Variants in AP2B1 observed in about 807,000 individuals in gnomAD.
AP2B1 encodes adaptor related protein complex 2 subunit beta 1, also known as AP-2 complex subunit beta.
In AP2B1, 23 loss-of-function variants were observed where a neutral mutation model predicts 102.0. The observed-to-expected ratio is 0.23, with a 90% confidence interval of 0.16 to 0.32. AP2B1 has a LOEUF of 0.32. Among genes scored for constraint, AP2B1 ranks in the 10% least tolerant of loss-of-function variants. The pLI is 1.00. For synonymous variants in AP2B1, 381 were observed against 421.2 expected (o/e 0.90, Z 1.17); for missense variants, 541 against 1,157.4 (o/e 0.47, Z 7.73).
intron 18 of AP2B1, among the ~76,000 whole-genome samples, chr17:35,698,279 T>C (rs1174936349): frequency 6.6e-6 from 1 of 152,116 alleles, no homozygotes; most frequent in Non-Finnish European, 1.5e-5. Flanking sequence ...CACTGGATTT[T>C]GTGTTGGAAC....
At chr17:35,722,627 T>C (rs1320836165) in intron 21 of AP2B1, among the ~76,000 whole-genome samples, 1 of 152,180 alleles carries the variant, frequency 6.6e-6, no homozygotes, top group African/African-American at 2.4e-5. Flanking sequence ...TGTTAAATTG[T>C]CCTTAGTCTC....
chr17:35,634,135 A>G (rs1415904357), intron 9 of AP2B1, among the ~76,000 whole-genome samples: 1 of 152,242 alleles, frequency 6.6e-6, no homozygotes. Context: ...CAACAGAGTA[A>G]GACTCTGTCT....
chr17:35,644,232 C>T (rs890422795), intron 12 of AP2B1, among the ~76,000 whole-genome samples: 1 of 152,224 alleles, frequency 6.6e-6, no homozygotes, highest in African/African-American at 2.4e-5. Context: ...TGCTTCCTCT[C>T]TAGTCTGAAG....
chr17:35,657,618 C>A lies in AP2B1; in HGVS notation c.1816C>A (p.Pro606Thr), dbSNP rs1166586737. The change falls in exon 14 of 22, where the codon CCT becomes ACT. Residue 606 changes from proline to threonine, a missense_variant. By Grantham distance (38) the Pro-to-Thr change is conservative. Around this residue, in one of 10 missense-constraint regions of AP2B1, gnomAD observed 39 missense variants for 42.0 expected, o/e 0.93. Transcript: ENST00000610402. ...CTTTAGCACTGATGCAGGTGACAGC[C>A]CTGTTGGCACTACCACTGCAACGAA... is the stretch of plus-strand genomic sequence containing the variant. ...HHGSTDAGDSPVGTTTATNLE... is the reference protein window; with the variant it reads ...HHGSTDAGDSTVGTTTATNLE... The A allele has an allele frequency of 1.2e-6, 2 of 1,613,504 alleles. No homozygotes were observed. Among genetic ancestry groups the A allele is most frequent in the South Asian group, 1.1e-5 (1 of 91,042 alleles).
At chr17:35,703,727 G>A (rs750593761) in intron 18 of AP2B1, among the ~76,000 whole-genome samples, 11 of 152,086 alleles carry the variant, frequency 7.2e-5, no homozygotes, top group Middle Eastern at 3.4e-3. Flanking sequence ...ATAACTAATG[G>A]GTACTAGGCT....
chr17:35,704,987 C>T (rs1416837594), intron 18 of AP2B1, among the ~76,000 whole-genome samples: 4 of 152,028 alleles, frequency 2.6e-5, no homozygotes, highest in African/African-American at 9.7e-5. Context: ...GCCGAGATCG[C>T]GCCATTGCAC....
intron 9 of AP2B1, 111 bp from the exon 10 acceptor site, chr17:35,636,230 A>G (rs776552018): frequency 3.1e-5 from 20 of 655,142 alleles, no homozygotes; most frequent in Admixed American, 9.5e-5. Context: ...TAAGTGCCTG[A>G]TCATTTAGTT....
intron 18 of AP2B1, among the ~76,000 whole-genome samples, chr17:35,683,815 C>A (rs76078076): frequency 3.3e-5 from 5 of 152,144 alleles, no homozygotes; most frequent in African/African-American, 1.2e-4. Context: ...GAACTGTAAT[C>A]GATCCCTGCA....
At chr17:35,705,524 T>A (rs758767286) in intron 18 of AP2B1, among the ~76,000 whole-genome samples, 3 of 146,652 alleles carry the variant, frequency 2.0e-5, no homozygotes, top group East Asian at 2.0e-4. Flanking sequence ...CAGAGTGAAA[T>A]TTTTTTTTTT....
At chr17:35,615,539 A>G (rs1288779850) in intron 5 of AP2B1, among the ~76,000 whole-genome samples, 2 of 152,196 alleles carry the variant, frequency 1.3e-5, no homozygotes, top group Non-Finnish European at 2.9e-5. Context: ...TATATTTGGT[A>G]TTCATGTAGG....
chr17:35,716,080 A>C (rs2076545874), intron 20 of AP2B1, among the ~76,000 whole-genome samples: 1 of 151,790 alleles, frequency 6.6e-6, no homozygotes, highest in South Asian at 2.1e-4. Flanking sequence ...GTGATGAAAA[A>C]CTCCAGGATC....
chr17:35,609,582 C>T (rs891035283), intron 5 of AP2B1, among the ~76,000 whole-genome samples: 5 of 152,090 alleles, frequency 3.3e-5, no homozygotes, highest in African/African-American at 9.7e-5. Flanking sequence ...CTCCTGACCT[C>T]GTGATCCACC....
chr17:35,613,347 G>T (rs1240871235), intron 5 of AP2B1, among the ~76,000 whole-genome samples: 1 of 151,820 alleles, frequency 6.6e-6, no homozygotes, highest in African/African-American at 2.4e-5. Flanking sequence ...TTGACCTCAA[G>T]TCTGGTTCCT....
chr17:35,674,681 G>C (rs1374534651), intron 17 of AP2B1, among the ~76,000 whole-genome samples: 1 of 152,180 alleles, frequency 6.6e-6, no homozygotes, highest in African/African-American at 2.4e-5. Flanking sequence ...CTCCAGTCTG[G>C]GCGACAGAGT....
intron 5 of AP2B1, among the ~76,000 whole-genome samples, chr17:35,610,734 C>T (rs1325570899): frequency 2.6e-5 from 4 of 151,942 alleles, no homozygotes; most frequent in East Asian, 1.9e-4. Context: ...GGTGAATCCC[C>T]GTCTCTACTA....
intron 5 of AP2B1, among the ~76,000 whole-genome samples, chr17:35,620,377 A>G (rs1034805921): frequency 2.6e-5 from 4 of 152,052 alleles, no homozygotes; most frequent in Non-Finnish European, 5.9e-5. Flanking sequence ...TGCTAGTTCA[A>G]GATTACAGTG....
At chr17:35,700,791 A>C (rs901399247) in intron 18 of AP2B1, among the ~76,000 whole-genome samples, 3 of 152,244 alleles carry the variant, frequency 2.0e-5, no homozygotes, top group Non-Finnish European at 4.4e-5. Flanking sequence ...GCTTAAGCTG[A>C]CAGGTTGTTC....
intron 17 of AP2B1, among the ~76,000 whole-genome samples, 172 bp downstream of exon 17, chr17:35,674,493 A>G (rs1311036695): frequency 6.6e-6 from 1 of 152,110 alleles, no homozygotes; most frequent in Non-Finnish European, 1.5e-5. Flanking sequence ...ACCTGAGGTC[A>G]GGGGTTCAAA....
chr17:35,635,184 G>T (rs148711424), intron 9 of AP2B1, among the ~76,000 whole-genome samples: 1 of 152,142 alleles, frequency 6.6e-6, no homozygotes, highest in Non-Finnish European at 1.5e-5. Context: ...CTCCCAAGTA[G>T]CTGGGATTAC....
Sources: allele counts gnomAD v4.1 joint callset (sites outside exome capture counted in the v4.1 genomes callset), GRCh38; gene constraint gnomAD v4.1.1; regional missense constraint gnomAD v4.1.1; transcripts MANE v1.5; gene names NCBI Gene and HGNC (gene_info 2026-07-23, HGNC 2026-07-21).